Variants in DPH6 observed in about 807,000 individuals in gnomAD.
DPH6 encodes diphthine--ammonia ligase.
DPH6 carries 33 observed loss-of-function variants against 38.2 expected under a neutral mutation model. The observed-to-expected ratio is 0.86, with a 90% CI of 0.65 to 1.15. The LOEUF is 1.15. Ranked by LOEUF, DPH6 falls within the 50% of genes most tolerant of loss-of-function variation. The pLI is 0.00. For missense variants in DPH6, 325 were observed against 320.0 expected (o/e 1.02, Z -0.12); for synonymous variants, 108 against 103.0 (o/e 1.05, Z -0.30).
intron 3 of DPH6, among the ~76,000 whole-genome samples, chr15:35,500,962 A>G (rs2054618892): frequency 6.6e-6 from 1 of 152,084 alleles, no homozygotes; most frequent in Non-Finnish European, 1.5e-5. Context: ...GCTGGTCTTG[A>G]ATTCCTGACC....
chr15:35,489,311 A>C, intron 3 of DPH6: 1 of 984,056 alleles, frequency 1.0e-6, no homozygotes, highest in Non-Finnish European at 1.2e-6. Context: ...AGCAAAGAGA[A>C]GCAGTGATGA....
At chr15:35,211,168 C>T in the DPH6 span, among the ~76,000 whole-genome samples, 4 of 151,846 alleles carry the variant, frequency 2.6e-5, no homozygotes, top group Admixed American at 2.0e-4. Flanking sequence ...AAAGAGTAAA[C>T]ACATGAACTA....
chr15:35,422,893 T>A, intron 5 of DPH6, among the ~76,000 whole-genome samples: 1 of 151,908 alleles, frequency 6.6e-6, no homozygotes, highest in East Asian at 1.9e-4. Flanking sequence ...ATGGTTAGAT[T>A]TCCTTTTTAA....
At chr15:35,446,518 C>T (rs1595569304) in intron 5 of DPH6, among the ~76,000 whole-genome samples, 1 of 152,094 alleles carries the variant, frequency 6.6e-6, no homozygotes, top group African/African-American at 2.4e-5. Context: ...TGTACCTGGC[C>T]TCTCTTCCTT....
intron 3 of DPH6, among the ~76,000 whole-genome samples, chr15:35,271,704 G>A (rs1362547673): frequency 6.6e-6 from 1 of 152,190 alleles, no homozygotes; most frequent in Non-Finnish European, 1.5e-5. Flanking sequence ...GATGGGGATT[G>A]AGAATTGAAA....
the DPH6 span, among the ~76,000 whole-genome samples, chr15:35,186,198 A>G: frequency 3.3e-5 from 5 of 152,058 alleles, no homozygotes; most frequent in Admixed American, 1.3e-4. Context: ...TACAGTTGCA[A>G]CCTCCTAAAT....
chr15:35,269,130 C>G (rs1201417467), intron 3 of DPH6, among the ~76,000 whole-genome samples: 1 of 152,162 alleles, frequency 6.6e-6, no homozygotes, highest in Non-Finnish European at 1.5e-5. Context: ...ATTATGAGGA[C>G]TACCTAAATA....
intron 3 of DPH6, among the ~76,000 whole-genome samples, chr15:35,504,719 G>T (rs535466528): frequency 6.0e-4 from 91 of 152,088 alleles, no homozygotes; most frequent in Non-Finnish European, 9.3e-4. Flanking sequence ...CATCACAGGA[G>T]ACATCATAAT....
the DPH6 span, among the ~76,000 whole-genome samples, chr15:35,172,804 G>C: frequency 2.0e-5 from 3 of 152,018 alleles, no homozygotes; most frequent in Non-Finnish European, 4.4e-5. Context: ...CGATCCTCCT[G>C]CCTCAGCCTC....
chr15:35,428,526 G>C lies in DPH6; in HGVS notation c.506-17630C>G, dbSNP rs552956225. Among the ~76,000 whole-genome samples, 5 of 152,202 alleles carry C rather than the reference G, an allele frequency of 3.3e-5. No homozygotes were observed. In the East Asian group the frequency reaches 9.6e-4, roughly 29 times the overall value. On this transcript the variant is annotated intron_variant, in intron 5 of 8. Transcript: ENST00000256538. Reference sequence around the variant, plus strand: ...ACAGGAAAAAAACAAGGGACATGCAGTAGAATCTTGAAGAAATCTACCCAT... The same window carrying C: ...ACAGGAAAAAAACAAGGGACATGCACTAGAATCTTGAAGAAATCTACCCAT...
chr15:35,456,189 T>A (rs2141093254), intron 3 of DPH6, among the ~76,000 whole-genome samples: 1 of 152,180 alleles, frequency 6.6e-6, no homozygotes, highest in East Asian at 1.9e-4. Flanking sequence ...CCATTTTTGT[T>A]TTCATGAAAG....
chr15:35,223,567 T>C (rs2051457192), intron 3 of DPH6, among the ~76,000 whole-genome samples: 2 of 151,970 alleles, frequency 1.3e-5, no homozygotes, highest in African/African-American at 2.4e-5. Context: ...ACGCCTGTAG[T>C]CCCAGCTACT....
chr15:35,542,965 T>TATATATATATATATATATAAAAA (rs58422347), intron 1 of DPH6, among the ~76,000 whole-genome samples: 2 of 76,178 alleles, frequency 2.6e-5, no homozygotes, highest in Admixed American at 1.8e-4. Flanking sequence ...TATATATATA[T>TATATATATATATATATATAAAAA]AAAATAATTT....
At chr15:35,192,821 T>G in the DPH6 span, among the ~76,000 whole-genome samples, 10 of 152,224 alleles carry the variant, frequency 6.6e-5, no homozygotes, top group Admixed American at 6.5e-4. Flanking sequence ...TTCTACTACA[T>G]TTATTGAGCC....
the DPH6 span, among the ~76,000 whole-genome samples, chr15:35,159,829 A>T: frequency 6.6e-6 from 1 of 152,120 alleles, no homozygotes; most frequent in Non-Finnish European, 1.5e-5. Context: ...TGGACTGGAT[A>T]GAGAAAATGT....
intron 3 of DPH6, among the ~76,000 whole-genome samples, chr15:35,483,268 A>G (rs1361651801): frequency 8.5e-5 from 13 of 152,190 alleles, no homozygotes; most frequent in African/African-American, 3.1e-4. Flanking sequence ...GTTCAAGACC[A>G]GCCTAACCAA....
At chr15:35,425,880 T>C (rs1033348997) in intron 5 of DPH6, among the ~76,000 whole-genome samples, 119 of 150,698 alleles carry the variant, frequency 7.9e-4, no homozygotes, top group African/African-American at 2.8e-3. Context: ...CAAAAAGTTA[T>C]ATGCCTAAGT....
chr15:35,326,597 A>G (rs903952480), downstream of DPH6, among the ~76,000 whole-genome samples: 1 of 151,986 alleles, frequency 6.6e-6, no homozygotes, highest in African/African-American at 2.4e-5. Flanking sequence ...GTGCCCAGCT[A>G]ATTTTTAAAA....
At chr15:35,521,680 A>G (rs888882000) in intron 3 of DPH6, 3 of 1,230,826 alleles carry the variant, frequency 2.4e-6, no homozygotes, top group Non-Finnish European at 3.0e-6. Flanking sequence ...TTAGTTTACT[A>G]TTGAAGAAGA....
Sources: allele counts gnomAD v4.1 joint callset (sites outside exome capture counted in the v4.1 genomes callset), GRCh38; gene constraint gnomAD v4.1.1; transcripts MANE v1.5; gene names NCBI Gene and HGNC (gene_info 2026-07-23, HGNC 2026-07-21).